The following MDGA2 variants were observed in gnomAD, a reference collection of about 807,000 sequenced individuals.
The protein encoded by MDGA2 is MAM domain-containing glycosylphosphatidylinositol anchor protein 2.
MDGA2 carries 40 observed loss-of-function variants against 117.8 expected under a neutral mutation model. The ratio of observed to expected loss-of-function variants is 0.34; its 90% CI spans 0.26 to 0.44. MDGA2 has a LOEUF of 0.44. Ranked by LOEUF, MDGA2 falls within the 20% of genes least tolerant of loss-of-function variation. MDGA2 has a pLI of 1.00. For missense variants in MDGA2, 1,123 were observed against 1,250.6 expected (o/e 0.90, Z 1.54); for synonymous variants, 452 against 439.0 (o/e 1.03, Z -0.37).
chr14:47,649,598 T>C (rs1202196102), intron 1 of MDGA2, among the ~76,000 whole-genome samples: 1 of 151,910 alleles, frequency 6.6e-6, no homozygotes, highest in Non-Finnish European at 1.5e-5. Context: ...GACACAAAAA[T>C]CGCTTGAACC....
chr14:46,905,929 C>T lies in MDGA2; in HGVS notation c.2238+14083G>A, dbSNP rs546592403. Among the ~76,000 whole-genome samples the T allele has an allele frequency of 2.6e-5, 4 of 152,052 alleles. No individual in the cohort carries two copies. The South Asian group carries it at 8.3e-4, about 32-fold the overall frequency. ...TAGTGGGCACTGAAAATATGCATAG[C>T]TGCATAGATAAAATTGTTGAAAATT... On this transcript the variant is annotated intron_variant, in intron 10 of 16. Transcript: ENST00000399232.
At chr14:47,120,808 C>T (rs1881610886) in intron 5 of MDGA2, among the ~76,000 whole-genome samples, 1 of 152,160 alleles carries the variant, frequency 6.6e-6, no homozygotes, top group African/African-American at 2.4e-5. Flanking sequence ...GGACTGGATA[C>T]ACTATCCCTA....
At position 47,208,023 on chromosome 14, in the gene MDGA2, C is replaced by T. The variant is rs1311804810; in HGVS notation, c.595+9998G>A. 5.3e-5 allele frequency among the ~76,000 whole-genome samples: 8 copies of T among 151,954 alleles called. 1 individual carries two copies. The highest frequency in any genetic ancestry group is 1.9e-4 in the African/African-American group (8 of 41,406). ...GCAAGGTCAGATGTACTCTCTGACA[C>T]CCTTCTCAAGAATCATTTCCTTCAA... On this transcript the variant is annotated intron_variant, in intron 3 of 16. Transcript: ENST00000399232.
chr14:47,570,742 T>C (rs1467690496), intron 1 of MDGA2, among the ~76,000 whole-genome samples: 1 of 152,076 alleles, frequency 6.6e-6, no homozygotes, highest in Non-Finnish European at 1.5e-5. Flanking sequence ...TTACACCTTA[T>C]ACAAAAATTA....
intron 1 of MDGA2, among the ~76,000 whole-genome samples, chr14:47,427,501 A>G (rs1404838730): frequency 1.4e-5 from 2 of 147,764 alleles, no homozygotes; most frequent in Non-Finnish European, 1.5e-5. Context: ...CAGGTTCTCC[A>G]TGTCATTTTG....
chr14:47,050,867 A>T (rs1214192242), intron 7 of MDGA2, among the ~76,000 whole-genome samples: 1 of 151,980 alleles, frequency 6.6e-6, no homozygotes, highest in Non-Finnish European at 1.5e-5. Flanking sequence ...TGGGACTGGC[A>T]AGGAGACTCT....
chr14:47,098,448 T>C (rs1303677708), intron 5 of MDGA2, among the ~76,000 whole-genome samples: 1 of 151,714 alleles, frequency 6.6e-6, no homozygotes, highest in Non-Finnish European at 1.5e-5. Context: ...GAGGAGTTAA[T>C]ATGAAATTCT....
chr14:47,342,983 G>T, intron 1 of MDGA2: 1 of 963,504 alleles, frequency 1.0e-6, no homozygotes, highest in Non-Finnish European at 1.4e-6. Flanking sequence ...AGGCAGCTTT[G>T]CCTGGCAGAA....
At chr14:46,887,519 C>A (rs1053597358) in intron 10 of MDGA2, among the ~76,000 whole-genome samples, 4 of 151,930 alleles carry the variant, frequency 2.6e-5, no homozygotes, top group Non-Finnish European at 5.9e-5. Flanking sequence ...CGCCAGCATA[C>A]AATGTATTTT....
intron 1 of MDGA2, among the ~76,000 whole-genome samples, chr14:47,454,642 C>A (rs111253159): frequency 1.8e-4 from 28 of 152,200 alleles, no homozygotes; most frequent in Non-Finnish European, 3.1e-4. Context: ...ATAATAATTT[C>A]TCAGGTTTAA....
At chr14:47,135,627 G>A (rs1882415478) in intron 4 of MDGA2, among the ~76,000 whole-genome samples, 1 of 151,840 alleles carries the variant, frequency 6.6e-6, no homozygotes. Flanking sequence ...CAGGGGGTGG[G>A]CGGGGTCAAG....
chr14:47,153,520 T>C (rs1449622112), intron 3 of MDGA2, among the ~76,000 whole-genome samples: 1 of 151,900 alleles, frequency 6.6e-6, no homozygotes, highest in Non-Finnish European at 1.5e-5. Flanking sequence ...TTGACGCAGC[T>C]CCTCCAGTTG....
intron 1 of MDGA2, among the ~76,000 whole-genome samples, chr14:47,383,185 C>T (rs1891675732): frequency 6.6e-6 from 1 of 152,056 alleles, no homozygotes; most frequent in African/African-American, 2.4e-5. Flanking sequence ...TGGGGATTAT[C>T]ACACACCGGA....
intron 3 of MDGA2, among the ~76,000 whole-genome samples, chr14:47,180,415 C>G (rs1206342663): frequency 6.6e-6 from 1 of 152,084 alleles, no homozygotes; most frequent in Non-Finnish European, 1.5e-5. Context: ...AACAGACAAC[C>G]TATGAGATGA....
chr14:47,455,372 G>A, intron 1 of MDGA2, among the ~76,000 whole-genome samples: 1 of 152,004 alleles, frequency 6.6e-6, no homozygotes, highest in East Asian at 2.0e-4. Flanking sequence ...TGGCTGTGGT[G>A]GCACACGACT....
intron 1 of MDGA2, among the ~76,000 whole-genome samples, chr14:47,489,714 C>G (rs1479833566): frequency 6.6e-6 from 1 of 152,052 alleles, no homozygotes; most frequent in Non-Finnish European, 1.5e-5. Flanking sequence ...AAGGGAAAAT[C>G]AAGGCAGCAA....
intron 1 of MDGA2, among the ~76,000 whole-genome samples, chr14:47,370,817 C>T (rs1269957633): frequency 6.6e-6 from 1 of 151,406 alleles, no homozygotes; most frequent in Non-Finnish European, 1.5e-5. Context: ...ATAATACATC[C>T]TCTTCTGTAT....
Position 47,331,229 on chromosome 14 carries a change from G to A in MDGA2, c.281-29679C>T, listed in dbSNP as rs539320818. The stretch of plus-strand genomic sequence containing the variant: ...AAAACAACACTACTTCCAACATTAG[G>A]GGAAAACGTACTTTTATGACAAAAT... On this transcript the variant is annotated intron_variant, in intron 1 of 16. Coordinates refer to ENST00000399232, the MANE Select transcript of MDGA2 (RefSeq NM_001113498.3). Among the ~76,000 whole-genome samples, 8 of 151,796 alleles carry A rather than the reference G, an allele frequency of 5.3e-5. No homozygotes were observed. In the East Asian group the frequency reaches 1.4e-3, roughly 26 times the overall value.
At chr14:47,411,801 C>T (rs980584395) in intron 1 of MDGA2, among the ~76,000 whole-genome samples, 1 of 152,136 alleles carries the variant, frequency 6.6e-6, no homozygotes, top group Admixed American at 6.6e-5. Flanking sequence ...GATCATCAGG[C>T]ATCCGTTCCT....
Sources: allele counts gnomAD v4.1 joint callset (sites outside exome capture counted in the v4.1 genomes callset), GRCh38; gene constraint gnomAD v4.1.1; transcripts MANE v1.5; gene names NCBI Gene and HGNC (gene_info 2026-07-23, HGNC 2026-07-21).